The following GADL1 variants were observed in gnomAD, a reference collection of about 807,000 sequenced individuals.
GADL1 encodes the protein GAD like acidic amino acid decarboxylase 1, also known as acidic amino acid decarboxylase GADL1.
In GADL1, 71 loss-of-function variants were observed where a neutral mutation model predicts 69.5. The observed-to-expected ratio is 1.02, with a 90% confidence interval of 0.84 to 1.25. GADL1 has a LOEUF of 1.25. GADL1 is among the 50% of genes most tolerant of loss of function. The pLI, the probability that GADL1 is intolerant of heterozygous loss-of-function variation, is 0.00. For synonymous variants in GADL1, 254 were observed against 214.4 expected (o/e 1.18, Z -1.62); for missense variants, 737 against 631.8 (o/e 1.17, Z -1.79).
rs575649479 is a variant in GADL1 at position 30,856,550 on chromosome 3, C to T, written c.337+465G>A. Among the ~76,000 whole-genome samples, 154 of 152,092 alleles carry T rather than the reference C, an allele frequency of 1.0e-3. 2 individuals are homozygous for T. Among genetic ancestry groups the T allele is most frequent in the African/African-American group, 3.4e-3 (143 of 41,534 alleles). ...TTTGATCAAATAGTTTGGCAATTAC[C>T]AACTGCCAAGAGTTAATCAGTGTCT... On this transcript the variant is annotated intron_variant, in intron 3 of 14. Coordinates refer to ENST00000282538, the MANE Select transcript of GADL1 (RefSeq NM_207359.3).
intron 14 of GADL1, among the ~76,000 whole-genome samples, chr3:30,744,884 G>A (rs1376897770): frequency 6.6e-6 from 1 of 152,194 alleles, no homozygotes; most frequent in Non-Finnish European, 1.5e-5. Flanking sequence ...AATGGGATGT[G>A]TTTTGCCTGT....
intron 2 of GADL1, 79 bp from the exon 3 acceptor site, chr3:30,857,220 C>G: frequency 8.3e-7 from 1 of 1,210,162 alleles, no homozygotes; most frequent in Non-Finnish European, 1.2e-6. Flanking sequence ...TGGACTCTAC[C>G]ATTACAAAGC....
At chr3:30,891,375 C>G (rs1162042928) in intron 1 of GADL1, among the ~76,000 whole-genome samples, 3 of 152,116 alleles carry the variant, frequency 2.0e-5, no homozygotes, top group Non-Finnish European at 4.4e-5. Flanking sequence ...CAGCTTTTCT[C>G]CCCATCCTTC....
intron 14 of GADL1, among the ~76,000 whole-genome samples, chr3:30,738,601 T>G (rs1277579790): frequency 6.6e-6 from 1 of 152,178 alleles, no homozygotes; most frequent in African/African-American, 2.4e-5. Flanking sequence ...TCATAACATA[T>G]TCAATGAGTA....
At chr3:30,760,451 C>T (rs1157481641) in intron 14 of GADL1, among the ~76,000 whole-genome samples, 1 of 152,118 alleles carries the variant, frequency 6.6e-6, no homozygotes, top group Non-Finnish European at 1.5e-5. Flanking sequence ...CCACCAACTT[C>T]TAGCTACCAA....
At position 30,801,036 on chromosome 3, in the gene GADL1, T is replaced by A; in HGVS notation, c.1103A>T (p.Asp368Val). The A allele has an allele frequency of 6.2e-7, 1 of 1,614,012 alleles. No individual in the cohort carries two copies. The change falls in exon 12 of 15, where the codon GAT (aspartate) becomes GTT (valine). Residue 368 changes from aspartate to valine, a missense_variant. Transcript: ENST00000282538. ...SAKASYLFQQ[D>V]KFYDVSYDTG... ...GTCATAGCTCACATCATAGAATTTA[T>A]CCTGCTGGAAGAGGTAAGATGCCTT... is the stretch of plus-strand genomic sequence containing the variant.
intron 14 of GADL1, among the ~76,000 whole-genome samples, chr3:30,754,561 T>C (rs1481647479): frequency 6.6e-6 from 1 of 152,156 alleles, no homozygotes; most frequent in Non-Finnish European, 1.5e-5. Context: ...AAAGAGTGTA[T>C]TACCTCAATG....
At chr3:30,766,070 T>G (rs191889300) in intron 14 of GADL1, among the ~76,000 whole-genome samples, 1 of 152,184 alleles carries the variant, frequency 6.6e-6, no homozygotes, top group Non-Finnish European at 1.5e-5. Flanking sequence ...ACATAAAAAT[T>G]GACTGTATTG....
At chr3:30,799,597 C>A (rs1427646103) in intron 12 of GADL1, 1 of 152,190 alleles carries the variant, frequency 6.6e-6, no homozygotes, top group African/African-American at 2.4e-5. Context: ...GATTATCATT[C>A]AGCTCCTTGT....
chr3:30,820,956 A>C (rs1445158960), intron 11 of GADL1, among the ~76,000 whole-genome samples: 3 of 152,104 alleles, frequency 2.0e-5, no homozygotes, highest in Admixed American at 6.6e-5. Context: ...GATTAAGAAA[A>C]TGTGGCACAT....
chr3:30,828,301 C>A (rs573845049), intron 11 of GADL1, among the ~76,000 whole-genome samples: 42 of 151,920 alleles, frequency 2.8e-4, no homozygotes, highest in Middle Eastern at 6.8e-3. Flanking sequence ...TAACCTGCTT[C>A]TCAGGTATAT....
At chr3:30,856,832 C>G (rs1269081560) in intron 3 of GADL1, among the ~76,000 whole-genome samples, 183 bp downstream of exon 3, 3 of 151,972 alleles carry the variant, frequency 2.0e-5, no homozygotes, top group African/African-American at 7.2e-5. Flanking sequence ...GTCAACTTAT[C>G]TTTGGCCTTG....
intron 11 of GADL1, among the ~76,000 whole-genome samples, chr3:30,821,717 T>C (rs1697584235): frequency 6.6e-6 from 1 of 151,458 alleles, no homozygotes; most frequent in Non-Finnish European, 1.5e-5. Context: ...ACTGGAAGAA[T>C]AAATAGATGA....
At chr3:30,771,666 T>C (rs921231560) in intron 14 of GADL1, among the ~76,000 whole-genome samples, 4 of 152,190 alleles carry the variant, frequency 2.6e-5, no homozygotes, top group Non-Finnish European at 5.9e-5. Flanking sequence ...AACCTCATCT[T>C]TGAACATTTT....
At chr3:30,756,133 C>G (rs888004425) in intron 14 of GADL1, among the ~76,000 whole-genome samples, 17 of 152,160 alleles carry the variant, frequency 1.1e-4, no homozygotes, top group African/African-American at 4.1e-4. Context: ...CGCCACTCTT[C>G]GGGGCACAGG....
intron 14 of GADL1, among the ~76,000 whole-genome samples, chr3:30,755,103 A>G (rs1242771202): frequency 6.6e-6 from 1 of 151,852 alleles, no homozygotes; most frequent in African/African-American, 2.4e-5. Flanking sequence ...CACATAGAGA[A>G]AATTAGCCAG....
At chr3:30,755,196 C>T (rs949143207) in intron 14 of GADL1, among the ~76,000 whole-genome samples, 5 of 152,116 alleles carry the variant, frequency 3.3e-5, no homozygotes, top group African/African-American at 1.2e-4. Context: ...TACTGTAAAT[C>T]ATATCATTTA....
At chr3:30,745,446 A>G (rs530501358) in intron 14 of GADL1, among the ~76,000 whole-genome samples, 8 of 152,338 alleles carry the variant, frequency 5.3e-5, no homozygotes, top group Non-Finnish European at 1.2e-4. Context: ...GAAAATAATT[A>G]TCTGTGTTCC....
chr3:30,838,874 A>T (rs1394163992), intron 9 of GADL1, 123 bp downstream of exon 9: 5 of 594,046 alleles, frequency 8.4e-6, no homozygotes, highest in Non-Finnish European at 1.5e-5. Flanking sequence ...TATTTCCCCC[A>T]ATTTGAGACA....
Sources: allele counts gnomAD v4.1 joint callset (sites outside exome capture counted in the v4.1 genomes callset), GRCh38; gene constraint gnomAD v4.1.1; transcripts MANE v1.5; gene names NCBI Gene and HGNC (gene_info 2026-07-23, HGNC 2026-07-21).